Variants in PRICKLE2 observed in about 807,000 individuals in gnomAD.
The protein encoded by PRICKLE2 is prickle planar cell polarity protein 2, also known as prickle-like protein 2.
PRICKLE2 carries 21 observed loss-of-function variants against 81.4 expected under a neutral mutation model. That is an observed-to-expected ratio of 0.26 (90% CI 0.18 to 0.37). The LOEUF is 0.37. PRICKLE2 is among the 10% of genes least tolerant of loss of function. The pLI is 1.00. For missense variants in PRICKLE2, 940 were observed against 1,109.0 expected, an observed-to-expected ratio of 0.85 and a Z score of 2.16; for synonymous variants, 456 against 421.5, an observed-to-expected ratio of 1.08 and a Z score of -1.00.
intron 7 of PRICKLE2, among the ~76,000 whole-genome samples, chr3:64,129,480 C>T (rs161658): frequency 0.48 from 72,574 of 151,702 alleles, 17,941 homozygotes; most frequent in East Asian, 0.83. Context: ...GACAAGAGAT[C>T]GGGAATGCAA....
intron 2 of PRICKLE2, among the ~76,000 whole-genome samples, chr3:64,242,801 T>G (rs2079287181): frequency 6.6e-6 from 1 of 152,244 alleles, no homozygotes; most frequent in South Asian, 2.1e-4. Context: ...CTGCCAGCAT[T>G]AATGATGGGG....
At chr3:64,223,340 T>C (rs2078984701) in intron 1 of PRICKLE2, among the ~76,000 whole-genome samples, 1 of 152,200 alleles carries the variant, frequency 6.6e-6, no homozygotes, top group Non-Finnish European at 1.5e-5. Context: ...CTCTCCACTT[T>C]ACTGGCAGGA....
chr3:64,267,384 AT>A (rs1376253293), intron 2 of PRICKLE2, among the ~76,000 whole-genome samples: 1 of 151,042 alleles, frequency 6.6e-6, no homozygotes, highest in Non-Finnish European at 1.5e-5. Context: ...TTCTGGGAAA[AT>A]AAACAACTTT....
chr3:64,251,008 T>C (rs937858883), intron 2 of PRICKLE2, among the ~76,000 whole-genome samples: 1 of 152,186 alleles, frequency 6.6e-6, no homozygotes, highest in Non-Finnish European at 1.5e-5. Context: ...TATTTCCTTT[T>C]TGTCTATCTT....
intron 7 of PRICKLE2, among the ~76,000 whole-genome samples, chr3:64,109,267 T>A (rs1234213952): frequency 6.6e-6 from 1 of 152,156 alleles, no homozygotes; most frequent in African/African-American, 2.4e-5. Flanking sequence ...CTCTAAACTC[T>A]TCTCAGAAAA....
chr3:64,157,979 T>C (rs2077666318), intron 4 of PRICKLE2, among the ~76,000 whole-genome samples: 1 of 152,224 alleles, frequency 6.6e-6, no homozygotes, highest in South Asian at 2.1e-4. Flanking sequence ...TTTCTTCCTA[T>C]CCCTTCCCTA....
chr3:64,241,954 C>T (rs369178931), intron 2 of PRICKLE2, among the ~76,000 whole-genome samples: 2 of 152,206 alleles, frequency 1.3e-5, no homozygotes, highest in African/African-American at 4.8e-5. Flanking sequence ...CACATCAGTC[C>T]TCTCATTCTC....
rs750388947 is a variant in PRICKLE2 at position 64,147,480 on chromosome 3, C to G, written c.1010G>C (p.Ser337Thr). ...GCCCTTGTTCTTGCCAATTTTGGCA[C>G]TGCGCCGGGACTCCTTGGCCCTGGC... ...QNARAKESRR[S>T]AKIGKNKGKT... Residue 337 changes from serine (S) to threonine (T), a missense_variant, in exon 7 of 8, where the codon AGT (serine) becomes ACT (threonine). Coordinates refer to ENST00000638394, the MANE Select transcript of PRICKLE2 (RefSeq NM_198859.4). This position sits in a 1 kb window ranked among gnomAD's most constrained non-coding sequence, Gnocchi z 5.0. The G allele has an allele frequency of 2.5e-6, 4 of 1,614,132 alleles. No homozygotes were observed. Among genetic ancestry groups the G allele is most frequent in the African/African-American group, 1.3e-5 (1 of 74,944 alleles).
At chr3:64,152,930 T>C (rs895626783) in intron 6 of PRICKLE2, among the ~76,000 whole-genome samples, 1 of 152,202 alleles carries the variant, frequency 6.6e-6, no homozygotes, top group African/African-American at 2.4e-5. Context: ...TCCCAAATGA[T>C]GTTAACAGAA....
rs528897238 is a variant in PRICKLE2 at position 64,113,878 on chromosome 3, T to C, written c.1661-13953A>G. ...ACCATATCCAGTACAACCACACACA[T>C]AATCTCCAGCAGGGGCCCCCCACTC... On this transcript the variant is annotated intron_variant, in intron 7 of 7. Transcript: ENST00000638394. 2.7e-3 allele frequency among the ~76,000 whole-genome samples: 405 copies of C among 152,160 alleles called. 4 individuals carry two copies. The highest frequency in any genetic ancestry group is 9.3e-3 in the African/African-American group (385 of 41,522).
At chr3:64,140,013 A>G (rs1259162207) in intron 7 of PRICKLE2, among the ~76,000 whole-genome samples, 1 of 152,246 alleles carries the variant, frequency 6.6e-6, no homozygotes, top group African/African-American at 2.4e-5. Context: ...CCCATGTCCA[A>G]TTCAGCTCAG....
chr3:64,183,168 T>C (rs2078163722), intron 2 of PRICKLE2, among the ~76,000 whole-genome samples: 1 of 152,142 alleles, frequency 6.6e-6, no homozygotes, highest in Non-Finnish European at 1.5e-5. Context: ...TATGCAATGT[T>C]AGTATTATAG....
chr3:64,110,738 G>A (rs114809218), intron 7 of PRICKLE2, among the ~76,000 whole-genome samples: 2,673 of 152,120 alleles, frequency 0.018, 96 homozygotes, highest in African/African-American at 0.06. Context: ...ATGTAGCAGA[G>A]GGGCAATGAC....
intron 7 of PRICKLE2, among the ~76,000 whole-genome samples, chr3:64,116,140 G>T (rs1289170597): frequency 6.6e-6 from 1 of 152,186 alleles, no homozygotes; most frequent in Non-Finnish European, 1.5e-5. Flanking sequence ...GAAGTACTTA[G>T]AAAGTAATGA....
At chr3:64,233,722 C>T (rs1176439921) in intron 2 of PRICKLE2, among the ~76,000 whole-genome samples, 1 of 152,156 alleles carries the variant, frequency 6.6e-6, no homozygotes, top group Non-Finnish European at 1.5e-5. Context: ...ATATACTATA[C>T]AGCTCACCCA....
At chr3:64,234,683 T>C (rs2079155514) in intron 2 of PRICKLE2, among the ~76,000 whole-genome samples, 1 of 152,212 alleles carries the variant, frequency 6.6e-6, no homozygotes, top group South Asian at 2.1e-4. Context: ...ATCTATTTTT[T>C]CTTTTTTCCC....
chr3:64,162,116 C>T (rs1366733125), intron 3 of PRICKLE2, among the ~76,000 whole-genome samples: 2 of 152,148 alleles, frequency 1.3e-5, no homozygotes, highest in East Asian at 1.9e-4. Context: ...GCACTCATTT[C>T]CCCTGGGACG....
chr3:64,212,236 A>T (rs2078800511), intron 1 of PRICKLE2, among the ~76,000 whole-genome samples: 1 of 152,172 alleles, frequency 6.6e-6, no homozygotes, highest in Non-Finnish European at 1.5e-5. Flanking sequence ...GCAAAGAATA[A>T]ACCATGGTAG....
chr3:64,093,294 A>T lies in PRICKLE2; in HGVS notation c.*5757T>A, dbSNP rs2076528108. The T allele has an allele frequency of 6.6e-6, 1 of 152,392 alleles. No individual in the cohort carries two copies. Among genetic ancestry groups the T allele is most frequent in the Admixed American group, 6.5e-5 (1 of 15,294 alleles). The allele number at this position is 152,392 out of a possible 1,614,324, so 9.4% of individuals were successfully genotyped here. A position where few individuals can be genotyped will look rare whatever the true frequency, so the allele number is the denominator to read the frequency against. On this transcript the variant is annotated 3_prime_UTR_variant, in exon 8 of 8. Transcript: ENST00000638394. The stretch of plus-strand genomic sequence containing the variant: ...ATCAGTGGACATTTGGGTTGCTCCC[A>T]CTTTTTGGATATTGTGAATGCTGCT...
Sources: gnomAD v4.1 joint callset for allele counts (sites outside exome capture counted in the v4.1 genomes callset) on GRCh38, gnomAD v4.1.1 for gene constraint, Gnocchi (gnomAD v3.1) non-coding constraint, MANE v1.5 for transcripts, NCBI Gene and HGNC (gene_info 2026-07-23, HGNC 2026-07-21) for gene names.